UGGT1: variants seen among roughly 807,000 people sequenced by gnomAD.
UGGT1 encodes UDP-glucose:glycoprotein glucosyltransferase 1.
In UGGT1, 107 loss-of-function variants were observed where a neutral mutation model predicts 203.9. That is an observed-to-expected ratio of 0.52 (90% CI 0.45 to 0.62). UGGT1 has a LOEUF of 0.62. Ranked by LOEUF, UGGT1 falls within the 20% of genes least tolerant of loss-of-function variation. The pLI is 0.00. For missense variants in UGGT1, 1,673 were observed against 1,867.2 expected (o/e 0.90, Z 1.92); for synonymous variants, 628 against 653.5 (o/e 0.96, Z 0.59).
Position 128,170,388 on chromosome 2 carries a change from T to G in UGGT1, c.3022T>G (p.Leu1008Val), listed in dbSNP as rs752032250. ...AGCACAGAGACTTGCTCCTTTGCTC[T>G]TGGTAGGAACGCTGTGCAGGAAGTG... ...REAQRLAPLL[L>V]VLAQLINMNL... The change falls in exon 27 of 41, where the codon TTG (leucine) becomes GTG (valine). Residue 1008 changes from leucine (L) to valine (V), a missense_variant and splice_region_variant. By Grantham distance (32) the Leu-to-Val change is conservative. Transcript: ENST00000259253. The G allele has an allele frequency of 6.2e-7, 1 of 1,613,576 alleles. No individual in the cohort carries two copies. The highest frequency in any genetic ancestry group is 1.7e-5 in the Admixed American group (1 of 60,030).
chr2:128,189,779 AAC>A lies in UGGT1; in HGVS notation c.*39_*40del, dbSNP rs568183911. The A allele has an allele frequency of 1.9e-6, 3 of 1,609,794 alleles. No homozygotes were observed. The highest frequency in any genetic ancestry group is 1.7e-6 in the Non-Finnish European group (2 of 1,177,222). ...GGACAGGAAATCACCCCATTTGAAA[AAC>A]AGTTTTTATAATAAATGCTAGTTTT... On this transcript the variant is annotated 3_prime_UTR_variant, in exon 41 of 41. Transcript: ENST00000259253.
chr2:128,177,810 G>A, intron 32 of UGGT1, 22 bp from the exon 33 acceptor site: 1 of 1,586,326 alleles, frequency 6.3e-7, no homozygotes, highest in Non-Finnish European at 8.6e-7. Context: ...CTGGGAGTAA[G>A]GTTTATCACA....
At chr2:128,147,364 T>C (rs987090720) in intron 18 of UGGT1, among the ~76,000 whole-genome samples, 3 of 152,206 alleles carry the variant, frequency 2.0e-5, no homozygotes, top group Admixed American at 6.5e-5. Flanking sequence ...TTTATAGATA[T>C]TATTTGGTGA....
At chr2:128,154,060 T>TACACACACACAC (rs10597837) in intron 19 of UGGT1, among the ~76,000 whole-genome samples, 1 of 149,694 alleles carries the variant, frequency 6.7e-6, no homozygotes, top group African/African-American at 2.5e-5. Context: ...CATGTATATA[T>TACACACACACAC]ACACACACAC....
chr2:128,135,028 C>G, intron 15 of UGGT1, 67 bp downstream of exon 15: 2 of 1,350,018 alleles, frequency 1.5e-6, no homozygotes, highest in African/African-American at 2.9e-5. Flanking sequence ...TTTTTAAATG[C>G]AAGTCTGGTG....
chr2:128,181,999 C>T (rs1008222011), intron 36 of UGGT1, 131 bp from the exon 37 acceptor site: 26 of 768,492 alleles, frequency 3.4e-5, no homozygotes, highest in Non-Finnish European at 4.8e-5. Context: ...GTGCATCTGC[C>T]CCTAGTGCCT....
intron 2 of UGGT1, among the ~76,000 whole-genome samples, chr2:128,100,374 A>G (rs1337852510): frequency 2.0e-5 from 3 of 150,788 alleles, no homozygotes; most frequent in East Asian, 4.0e-4. Context: ...ATTTTGTACA[A>G]TTAACTGTAA....
chr2:128,129,864 CCTT>C lies in UGGT1; in HGVS notation c.1377+689_1377+691del, dbSNP rs1440454358. Among the ~76,000 whole-genome samples, 6 of 152,164 alleles carry C rather than the reference CCTT, an allele frequency of 3.9e-5. No individual in the cohort carries two copies. In the East Asian group the frequency reaches 1.2e-3, roughly 29 times the overall value. On this transcript the variant is annotated intron_variant, in intron 13 of 40. Transcript: ENST00000259253. The stretch of plus-strand genomic sequence containing the variant: ...GAAAATGTCACTTTTTAGCTAAGAA[CCTT>C]CTTTAGTAGGATTTTGATATTTGAG...
chr2:128,114,563 C>T (rs1688010647), intron 6 of UGGT1, among the ~76,000 whole-genome samples: 1 of 152,166 alleles, frequency 6.6e-6, no homozygotes. Context: ...GAGCCTGTGA[C>T]ATCTGGTCAC....
chr2:128,147,848 G>A (rs1165023412), intron 18 of UGGT1, among the ~76,000 whole-genome samples: 2 of 152,004 alleles, frequency 1.3e-5, no homozygotes, highest in East Asian at 3.9e-4. Flanking sequence ...CGAACTCCTG[G>A]GCCCAAGTGA....
chr2:128,112,454 T>TTA lies in UGGT1; in HGVS notation c.522-612_522-611dup, dbSNP rs59726004. ...AAAAAACCCCCCAAAAAATACTATG[T>TTA]TATATATATATATATATATTACATA... On this transcript the variant is annotated intron_variant, in intron 5 of 40. Coordinates refer to ENST00000259253, the MANE Select transcript of UGGT1 (RefSeq NM_020120.4). Among the ~76,000 whole-genome samples the TTA allele has an allele frequency of 5.7e-3, 319 of 55,804 alleles. 61 individuals carry two copies. The highest frequency in any genetic ancestry group is 0.015 in the East Asian group (19 of 1,292). The allele number at this position is 55,804 out of a possible 152,430, so 36.6% of individuals were successfully genotyped here.
Position 128,170,528 on chromosome 2 carries a change from A to G in UGGT1, c.3024+138A>G, listed in dbSNP as rs547640278. 1.3e-5 allele frequency: 9 copies of G among 670,072 alleles called. No individual in the cohort carries two copies. In the Admixed American group the frequency reaches 1.5e-4, roughly 11 times the overall value. 41.5% of individuals were successfully genotyped at this position (670,072 alleles called of 1,614,324 possible). A position where few individuals can be genotyped will look rare whatever the true frequency, so the allele number is the denominator to read the frequency against. ...TGCTATGGGGTTCTAGGGCAGAGCA[A>G]TCTTTACAAAGATTGACAGTGGCTG... is the stretch of plus-strand genomic sequence containing the variant. On this transcript the variant is annotated intron_variant, in intron 27 of 40. Transcript: ENST00000259253.
At chr2:128,124,242 A>C (rs541848390) in intron 11 of UGGT1, among the ~76,000 whole-genome samples, 7 of 152,258 alleles carry the variant, frequency 4.6e-5, no homozygotes, top group Non-Finnish European at 7.4e-5. Flanking sequence ...CACCGCGCCC[A>C]GCCAACTTTC....
At position 128,121,301 on chromosome 2, in the gene UGGT1, A is replaced by T; in HGVS notation, c.1073+3A>T. On this transcript the variant is annotated splice_donor_region_variant and intron_variant, in intron 10 of 40. Transcript: ENST00000259253. Reference sequence around the variant, plus strand: ...CAGAATTTTCCTACCAAAGCCAGGTAATGTAGAATAATGCTCTTCTCCTTA... The same window carrying T: ...CAGAATTTTCCTACCAAAGCCAGGTTATGTAGAATAATGCTCTTCTCCTTA... 1.9e-6 allele frequency: 3 copies of T among 1,598,012 alleles called. No homozygotes were observed. Among genetic ancestry groups the T allele is most frequent in the Non-Finnish European group, 2.6e-6 (3 of 1,169,954 alleles).
At chr2:128,155,391 C>T in intron 19 of UGGT1, 98 bp from the exon 20 acceptor site, 2 of 894,534 alleles carry the variant, frequency 2.2e-6, no homozygotes, top group African/African-American at 1.7e-5. Flanking sequence ...TCACGCATTT[C>T]TATAAATCTT....
rs1691164135 is a variant in UGGT1 at position 128,172,598 on chromosome 2, G to A, written c.3130G>A (p.Glu1044Lys). ...KSFYRYVLEP[E>K]ISFTSDNSFA... is the part of the protein sequence containing the mutation. ...CTTTTACCGTTATGTCTTAGAACCA[G>A]AGATTTCTTTCACTTCAGACAATAG... Residue 1044 changes from glutamate (E) to lysine (K), a missense_variant, in exon 29 of 41, where the codon GAG becomes AAG. Glu to Lys is a moderately conservative substitution (Grantham distance 56, BLOSUM62 1). Around this residue, in one of 4 missense-constraint regions of UGGT1, gnomAD observed 513 missense variants for 684.1 expected, o/e 0.75. Coordinates refer to ENST00000259253, the MANE Select transcript of UGGT1 (RefSeq NM_020120.4). The A allele has an allele frequency of 6.2e-7, 1 of 1,613,916 alleles. No homozygotes were observed. The highest frequency in any genetic ancestry group is 1.1e-5 in the South Asian group (1 of 91,070).
chr2:128,143,094 A>G lies in UGGT1; in HGVS notation c.1720A>G (p.Ile574Val), dbSNP rs767358312. The change falls in exon 17 of 41, where the codon ATC becomes GTC. Residue 574 changes from isoleucine to valine, a missense_variant and splice_region_variant. By Grantham distance (29) the Ile-to-Val change is conservative. Transcript: ENST00000259253. ...AACCAACTGTTTTTTCTTTCTTCAGATCTATAACAAGGTGAGGACTGGAGA... is the reference window on the plus strand; with the variant it reads ...AACCAACTGTTTTTTCTTTCTTCAGGTCTATAACAAGGTGAGGACTGGAGA... ...DYHAFQTLTH[I>V]YNKVRTGEKV... 6.3e-7 allele frequency: 1 copy of G among 1,595,566 alleles called. No homozygotes were observed.
chr2:128,170,471 T>C lies in UGGT1; in HGVS notation c.3024+81T>C, dbSNP rs1691038909. The C allele has an allele frequency of 4.0e-6, 5 of 1,259,698 alleles. No individual in the cohort carries two copies. In the African/African-American group the frequency reaches 4.4e-5, roughly 11 times the overall value. The allele number at this position is 1,259,698 out of a possible 1,614,324, so 78.0% of individuals were successfully genotyped here. The stretch of plus-strand genomic sequence containing the variant: ...CTGAAATTCACTGAGAGCTTCGTTT[T>C]CCTTGAGTTGCCTTCAACAGGCACT... On this transcript the variant is annotated intron_variant, in intron 27 of 40. Coordinates refer to ENST00000259253, the MANE Select transcript of UGGT1 (RefSeq NM_020120.4).
intron 16 of UGGT1, among the ~76,000 whole-genome samples, chr2:128,140,922 A>C (rs1689389927): frequency 6.6e-6 from 1 of 152,062 alleles, no homozygotes; most frequent in South Asian, 2.1e-4. Flanking sequence ...TACTGAGCTT[A>C]AACAATCTTA....
Sources: allele counts gnomAD v4.1 joint callset (sites outside exome capture counted in the v4.1 genomes callset), GRCh38; gene constraint gnomAD v4.1.1; regional missense constraint gnomAD v4.1.1; transcripts MANE v1.5; gene names NCBI Gene and HGNC (gene_info 2026-07-23, HGNC 2026-07-21).